The following SORCS1 variants were observed in gnomAD, a reference collection of about 807,000 sequenced individuals.
SORCS1 encodes the protein sortilin related VPS10 domain containing receptor 1.
In SORCS1, 60 loss-of-function variants were observed where a neutral mutation model predicts 146.1. That is an observed-to-expected ratio of 0.41 (90% confidence interval 0.33 to 0.51). The LOEUF is 0.51. Among genes scored for constraint, SORCS1 ranks in the 20% least tolerant of loss-of-function variants. The probability of loss-of-function intolerance (pLI) is 0.21; values close to 1 mark genes in which losing one functional copy is unlikely to be tolerated. For missense variants in SORCS1, 1,352 were observed against 1,487.6 expected, an observed-to-expected ratio of 0.91 and a Z score of 1.50; for synonymous variants, 637 against 584.0, an observed-to-expected ratio of 1.09 and a Z score of -1.31.
At chr10:106,839,642 A>G (rs1948935019) in intron 2 of SORCS1, among the ~76,000 whole-genome samples, 1 of 152,234 alleles carries the variant, frequency 6.6e-6, no homozygotes, top group Non-Finnish European at 1.5e-5. Flanking sequence ...AATGTAGAGG[A>G]AACAACATCC....
intron 3 of SORCS1, among the ~76,000 whole-genome samples, chr10:106,784,392 C>CAAA (rs149140867): frequency 9.8e-6 from 1 of 102,282 alleles, no homozygotes; most frequent in African/African-American, 3.8e-5. Context: ...GAGACTCCGT[C>CAAA]AAAAAAAAAA....
intron 2 of SORCS1, among the ~76,000 whole-genome samples, chr10:106,928,375 G>A (rs1589726420): frequency 2.0e-5 from 3 of 152,332 alleles, no homozygotes; most frequent in African/African-American, 7.2e-5. Flanking sequence ...CCAGGGGCCG[G>A]CAGGCTGCTC....
At chr10:107,041,462 A>C (rs1223695924) in intron 1 of SORCS1, among the ~76,000 whole-genome samples, 1 of 152,080 alleles carries the variant, frequency 6.6e-6, no homozygotes, top group East Asian at 1.9e-4. Context: ...CTTCAGCATT[A>C]GGATCCAAGG....
At chr10:106,893,017 C>G (rs897230463) in intron 2 of SORCS1, among the ~76,000 whole-genome samples, 5 of 151,620 alleles carry the variant, frequency 3.3e-5, no homozygotes, top group African/African-American at 9.7e-5. Context: ...GCCTCAGCCT[C>G]CCGAGTAGCT....
intron 2 of SORCS1, among the ~76,000 whole-genome samples, chr10:106,928,616 C>A (rs1035991171): frequency 6.6e-6 from 1 of 152,172 alleles, no homozygotes; most frequent in Non-Finnish European, 1.5e-5. Context: ...GCGCTGAGAG[C>A]GAGCGAGGGC....
chr10:107,137,448 C>T (rs530576406), intron 1 of SORCS1, among the ~76,000 whole-genome samples: 136 of 152,318 alleles, frequency 8.9e-4, no homozygotes, highest in Middle Eastern at 3.4e-3. Flanking sequence ...CCCTGCCAGA[C>T]TAGCCTACAT....
intron 3 of SORCS1, among the ~76,000 whole-genome samples, chr10:106,782,686 T>C (rs116388378): frequency 0.01 from 1,577 of 152,360 alleles, 25 homozygotes; most frequent in African/African-American, 0.035. Flanking sequence ...CTACTGAACA[T>C]AGTCTTCTCC....
chr10:106,680,183 G>A (rs764364922), intron 10 of SORCS1, among the ~76,000 whole-genome samples: 4 of 152,188 alleles, frequency 2.6e-5, no homozygotes, highest in Non-Finnish European at 4.4e-5. Flanking sequence ...AGATGGATAG[G>A]CTATGAACAG....
At chr10:106,579,693 C>T (rs1441036115) in intron 24 of SORCS1, among the ~76,000 whole-genome samples, 1 of 151,892 alleles carries the variant, frequency 6.6e-6, no homozygotes, top group Non-Finnish European at 1.5e-5. Flanking sequence ...CAATGAAAAG[C>T]ACAGACCCCA....
chr10:106,697,454 T>TG (rs1853788374), intron 9 of SORCS1, among the ~76,000 whole-genome samples: 2 of 48,752 alleles, frequency 4.1e-5, no homozygotes, highest in Non-Finnish European at 9.0e-5. Flanking sequence ...AGACTCCATC[T>TG]CAAAATAAAT....
chr10:107,130,063 G>T (rs888909726), intron 1 of SORCS1, among the ~76,000 whole-genome samples: 5 of 152,232 alleles, frequency 3.3e-5, no homozygotes, highest in Non-Finnish European at 5.9e-5. Flanking sequence ...AACTATCAAG[G>T]AAGAAAAAAT....
At chr10:106,988,469 A>C (rs1380655150) in intron 1 of SORCS1, among the ~76,000 whole-genome samples, 2 of 152,186 alleles carry the variant, frequency 1.3e-5, no homozygotes, top group Non-Finnish European at 2.9e-5. Flanking sequence ...TTAGCGTCTG[A>C]AAAAATCTGC....
chr10:106,978,189 C>A (rs1275509810), intron 1 of SORCS1, among the ~76,000 whole-genome samples: 1 of 152,160 alleles, frequency 6.6e-6, no homozygotes, highest in Non-Finnish European at 1.5e-5. Flanking sequence ...AGGTTATCCA[C>A]CCACCTCGGC....
intron 1 of SORCS1, among the ~76,000 whole-genome samples, chr10:107,017,795 T>C (rs747748274): frequency 6.6e-6 from 1 of 152,228 alleles, no homozygotes; most frequent in Non-Finnish European, 1.5e-5. Flanking sequence ...AGCACCCAAG[T>C]GCGTGCCACC....
chr10:106,911,941 T>C (rs910026075), intron 2 of SORCS1, among the ~76,000 whole-genome samples: 6 of 151,616 alleles, frequency 4.0e-5, no homozygotes, highest in Middle Eastern at 3.2e-3. Context: ...AGAAACCCCG[T>C]CTCTACTAAA....
intron 16 of SORCS1, among the ~76,000 whole-genome samples, 164 bp downstream of exon 16, chr10:106,671,073 A>G (rs1341005868): frequency 6.6e-6 from 1 of 152,160 alleles, no homozygotes; most frequent in Non-Finnish European, 1.5e-5. Context: ...ATTATCCCAC[A>G]TACACATACA....
intron 4 of SORCS1, among the ~76,000 whole-genome samples, chr10:106,764,295 C>T (rs112868876): frequency 2.0e-5 from 3 of 152,002 alleles, no homozygotes; most frequent in African/African-American, 7.2e-5. Context: ...TTATACCGAC[C>T]AAAAAGAAAA....
rs186675521 is a variant in SORCS1 at position 106,998,769 on chromosome 10, A to G, written c.559-42189T>C. ...ACCTCATTTTAAAAAACTGGTGGTT[A>G]TATCTCCTCTAAAAATAACCTCTCT... On this transcript the variant is annotated intron_variant, in intron 1 of 25. Coordinates refer to ENST00000263054, the MANE Select transcript of SORCS1 (RefSeq NM_052918.5). 1.3e-4 allele frequency among the ~76,000 whole-genome samples: 20 copies of G among 152,360 alleles called. 2 individuals carry two copies. The highest frequency in any genetic ancestry group is 1.3e-3 in the Admixed American group (20 of 15,300).
intron 2 of SORCS1, among the ~76,000 whole-genome samples, chr10:106,835,748 G>A (rs1032695559): frequency 2.6e-5 from 4 of 152,154 alleles, no homozygotes; most frequent in African/African-American, 9.7e-5. Flanking sequence ...GCTCATGTCT[G>A]TAATCCCAGA....
Sources: allele counts gnomAD v4.1 joint callset (sites outside exome capture counted in the v4.1 genomes callset), GRCh38; gene constraint gnomAD v4.1.1; transcripts MANE v1.5; gene names NCBI Gene and HGNC (gene_info 2026-07-23, HGNC 2026-07-21).